GAB2: variants seen among roughly 807,000 people sequenced by gnomAD.
GAB2 encodes GRB2 associated binding protein 2, also known as GRB2-associated-binding protein 2.
A neutral mutation model predicts 65.5 loss-of-function variants in GAB2; 26 were observed. That is an observed-to-expected ratio of 0.40 (90% CI 0.29 to 0.55). GAB2 has a LOEUF of 0.55. Among genes scored for constraint, GAB2 ranks in the 20% least tolerant of loss-of-function variants. The probability of loss-of-function intolerance (pLI) is 0.53; values close to 1 mark genes in which losing one functional copy is unlikely to be tolerated. For synonymous variants in GAB2, 321 were observed against 329.6 expected (o/e 0.97, Z 0.28); for missense variants, 884 against 875.8 (o/e 1.01, Z -0.12).
chr11:78,298,615 T>A (rs1866906498), intron 1 of GAB2, among the ~76,000 whole-genome samples: 1 of 152,194 alleles, frequency 6.6e-6, no homozygotes, highest in South Asian at 2.1e-4. Context: ...CCTCTCCCAT[T>A]GACAAAGCAA....
At chr11:78,312,079 T>C (rs896797227) in intron 1 of GAB2, among the ~76,000 whole-genome samples, 2 of 151,900 alleles carry the variant, frequency 1.3e-5, no homozygotes, top group African/African-American at 2.4e-5. Flanking sequence ...TCTAGGTCTG[T>C]GTCACAGGGC....
rs371694457 is a variant in GAB2 at position 78,310,676 on chromosome 11, T to C, written c.76-29775A>G. Among the ~76,000 whole-genome samples, 164 of 152,274 alleles carry C rather than the reference T, an allele frequency of 1.1e-3. 3 individuals carry two copies. In the South Asian group the frequency reaches 0.033, roughly 30 times the overall value. ...TTATTAATGGAAACTCAGATATTAA[T>C]AGTGATGAATCTCAGTTCACCAAGG... On this transcript the variant is annotated intron_variant, in intron 1 of 9. Transcript: ENST00000361507.
intron 1 of GAB2, among the ~76,000 whole-genome samples, chr11:78,391,438 G>A (rs2135064809): frequency 6.6e-6 from 1 of 152,320 alleles, no homozygotes; most frequent in East Asian, 1.9e-4. Context: ...TATGGCCAAA[G>A]TAACACTATG....
At chr11:78,331,525 G>T (rs1317061702) in intron 1 of GAB2, among the ~76,000 whole-genome samples, 1 of 152,054 alleles carries the variant, frequency 6.6e-6, no homozygotes, top group African/African-American at 2.4e-5. Context: ...GATTACAGGC[G>T]TGAGCCACTG....
intron 2 of GAB2, among the ~76,000 whole-genome samples, chr11:78,265,203 C>CACACATATATATATATAT (rs1554980506): frequency 6.9e-6 from 1 of 144,842 alleles, no homozygotes; most frequent in Non-Finnish European, 1.5e-5. Flanking sequence ...TTCTATACCA[C>CACACATATATATATATAT]ATATATATAT....
chr11:78,410,310 C>T (rs1857110334), intron 1 of GAB2, among the ~76,000 whole-genome samples: 1 of 152,160 alleles, frequency 6.6e-6, no homozygotes, highest in Non-Finnish European at 1.5e-5. Flanking sequence ...TTGAGACCAG[C>T]CTGGCCAATA....
At chr11:78,333,905 TTTCTC>T (rs1232036221) in intron 1 of GAB2, among the ~76,000 whole-genome samples, 1 of 152,108 alleles carries the variant, frequency 6.6e-6, no homozygotes, top group East Asian at 1.9e-4. Context: ...CACCCTCAGT[TTTCTC>T]TTGTCTTACT....
At position 78,250,170 on chromosome 11, in the gene GAB2, C is replaced by G; in HGVS notation, c.607G>C (p.Ala203Pro). 1 of 1,612,968 alleles carries G rather than the reference C, an allele frequency of 6.2e-7. No homozygotes were observed. The highest frequency in any genetic ancestry group is 8.5e-7 in the Non-Finnish European group (1 of 1,179,900). The change falls in exon 3 of 10, where the codon GCA becomes CCA. Residue 203 changes from alanine to proline, a missense_variant. Transcript: ENST00000361507. ...LYLHQCISRR[A>P]ENARSASFSQ... ...GCAGCCTCCTACCTTGCATTTTCTGCTCTTCGGCTTATGCACTGGTGCAAG... is the reference window on the plus strand; with the variant it reads ...GCAGCCTCCTACCTTGCATTTTCTGGTCTTCGGCTTATGCACTGGTGCAAG...
chr11:78,300,516 T>TAAAAACA (rs1554985511), intron 1 of GAB2, among the ~76,000 whole-genome samples: 6 of 142,792 alleles, frequency 4.2e-5, no homozygotes, highest in African/African-American at 1.6e-4. Context: ...TTTAATTTTA[T>TAAAAACA]AAAAAAACAA....
At chr11:78,314,221 G>A (rs1300176263) in intron 1 of GAB2, among the ~76,000 whole-genome samples, 1 of 152,212 alleles carries the variant, frequency 6.6e-6, no homozygotes, top group Non-Finnish European at 1.5e-5. Context: ...AGAAACCGTT[G>A]TGATGGTACT....
intron 1 of GAB2, among the ~76,000 whole-genome samples, chr11:78,305,249 G>C (rs1855331688): frequency 6.6e-6 from 1 of 152,088 alleles, no homozygotes; most frequent in Admixed American, 6.5e-5. Flanking sequence ...GGCAGAGCTG[G>C]GACAAAAACT....
intron 1 of GAB2, among the ~76,000 whole-genome samples, chr11:78,402,612 C>T (rs968547551): frequency 1.9e-4 from 28 of 148,840 alleles, no homozygotes; most frequent in Non-Finnish European, 3.6e-4. Flanking sequence ...CGTACCACCA[C>T]GCCCAGCTAA....
At chr11:78,350,611 C>G (rs1856261038) in intron 1 of GAB2, among the ~76,000 whole-genome samples, 1 of 152,260 alleles carries the variant, frequency 6.6e-6, no homozygotes, top group African/African-American at 2.4e-5. Context: ...AAAGTATATA[C>G]AAGGATAATC....
intron 1 of GAB2, among the ~76,000 whole-genome samples, chr11:78,340,701 C>G (rs140239809): frequency 0.012 from 1,860 of 151,300 alleles, 32 homozygotes; most frequent in African/African-American, 0.043. Context: ...AGGAAGAAAA[C>G]AAAGTATTTA....
intron 1 of GAB2, among the ~76,000 whole-genome samples, chr11:78,353,440 CAAAT>C: frequency 6.6e-6 from 1 of 152,176 alleles, no homozygotes; most frequent in South Asian, 2.1e-4. Context: ...GACTTTGTCT[CAAAT>C]AAAAAGAAAC....
chr11:78,413,182 C>G (rs1857151270), intron 1 of GAB2, among the ~76,000 whole-genome samples: 1 of 152,120 alleles, frequency 6.6e-6, no homozygotes, highest in Admixed American at 6.5e-5. Flanking sequence ...GTCTGAAGTT[C>G]AGAACACAAC....
chr11:78,335,613 T>C (rs1855984183), intron 1 of GAB2, among the ~76,000 whole-genome samples: 1 of 152,214 alleles, frequency 6.6e-6, no homozygotes, highest in East Asian at 1.9e-4. Flanking sequence ...TCTGTTTTTT[T>C]GCCAGTACCA....
chr11:78,297,654 A>G (rs1258792805), intron 1 of GAB2, among the ~76,000 whole-genome samples: 1 of 152,126 alleles, frequency 6.6e-6, no homozygotes, highest in Non-Finnish European at 1.5e-5. Context: ...ACAGTAAACA[A>G]AGGGGAAAGT....
chr11:78,357,641 G>A (rs1405044915), intron 1 of GAB2, among the ~76,000 whole-genome samples: 1 of 152,202 alleles, frequency 6.6e-6, no homozygotes, highest in Non-Finnish European at 1.5e-5. Context: ...AGATATTTAT[G>A]CAGCCAACAG....
Sources: allele counts gnomAD v4.1 joint callset (sites outside exome capture counted in the v4.1 genomes callset), GRCh38; gene constraint gnomAD v4.1.1; transcripts MANE v1.5; gene names NCBI Gene and HGNC (gene_info 2026-07-23, HGNC 2026-07-21).